INTS2: variants seen among roughly 807,000 people sequenced by gnomAD.
INTS2 encodes the protein integrator complex subunit 2.
Under a neutral mutation model 139.6 loss-of-function variants are expected in INTS2, and 57 were observed. That is an observed-to-expected ratio of 0.41 (90% CI 0.33 to 0.51). The LOEUF is 0.51. INTS2 is among the 20% of genes least tolerant of loss of function. The pLI, the probability that INTS2 is intolerant of heterozygous loss-of-function variation, is 0.28. For missense variants in INTS2, 1,196 were observed against 1,436.7 expected, an observed-to-expected ratio of 0.83 and a Z score of 2.71; for synonymous variants, 473 against 493.4, an observed-to-expected ratio of 0.96 and a Z score of 0.55.
At chr17:61,914,167 A>G (rs1443519249) in intron 5 of INTS2, among the ~76,000 whole-genome samples, 9 of 152,092 alleles carry the variant, frequency 5.9e-5, no homozygotes, top group Admixed American at 5.9e-4. Flanking sequence ...GACAGATTAA[A>G]GAGATGAAGA....
chr17:61,911,152 G>A, intron 7 of INTS2: 1 of 264,772 alleles, frequency 3.8e-6, no homozygotes. Context: ...GCTATTCACA[G>A]GCACAATTAT....
chr17:61,879,256 TG>T (rs1446172231), intron 17 of INTS2, among the ~76,000 whole-genome samples: 2 of 151,970 alleles, frequency 1.3e-5, no homozygotes, highest in African/African-American at 4.8e-5. Flanking sequence ...GAGGAAAATA[TG>T]CTGAAGTATT....
At position 61,871,374 on chromosome 17, in the gene INTS2, A is replaced by C. The variant is rs1217606331; in HGVS notation, c.2778+891T>G. Among the ~76,000 whole-genome samples, 3 of 152,110 alleles carry C rather than the reference A, an allele frequency of 2.0e-5. 1 individual carries two copies. Among genetic ancestry groups the C allele is most frequent in the Admixed American group, 2.0e-4 (3 of 15,280 alleles). ...TGAACTCAGGTGATCCACCCACCTC[A>C]GCCACCCAAAGTGCTGGGATTATAG... is the stretch of plus-strand genomic sequence containing the variant. On this transcript the variant is annotated intron_variant, in intron 20 of 24. Coordinates refer to ENST00000251334, the MANE Select transcript of INTS2 (RefSeq NM_001351695.2). This position sits in a 1 kb window ranked among gnomAD's most constrained non-coding sequence, Gnocchi z 4.9.
At position 61,876,577 on chromosome 17, in the gene INTS2, T is replaced by C. The variant is rs2079129238; in HGVS notation, c.2456+1310A>G. Among the ~76,000 whole-genome samples, 1 of 152,072 alleles carries C rather than the reference T, an allele frequency of 6.6e-6. No individual in the cohort carries two copies. The highest frequency in any genetic ancestry group is 6.6e-5 in the Admixed American group (1 of 15,260). Reference sequence around the variant, plus strand: ...CCTCAGCCCACCAAGTAGCTGGGAATACAGGCATGCATGCACCACCATGCC... The same window carrying C: ...CCTCAGCCCACCAAGTAGCTGGGAACACAGGCATGCATGCACCACCATGCC... On this transcript the variant is annotated intron_variant, in intron 18 of 24. Coordinates refer to ENST00000251334, the MANE Select transcript of INTS2 (RefSeq NM_001351695.2). The surrounding 1 kb of genome is among the most constrained non-coding windows in gnomAD (Gnocchi z 4.1).
intron 17 of INTS2, among the ~76,000 whole-genome samples, chr17:61,879,981 T>C (rs1246313491): frequency 1.3e-5 from 2 of 152,222 alleles, no homozygotes; most frequent in Admixed American, 6.5e-5. Context: ...TAGCTCACAT[T>C]ATATTTCTAT....
chr17:61,874,461 G>A (rs2079112182), intron 19 of INTS2, among the ~76,000 whole-genome samples: 1 of 152,198 alleles, frequency 6.6e-6, no homozygotes, highest in Non-Finnish European at 1.5e-5. Flanking sequence ...TGAAAGCAAT[G>A]CTGAAGTTTA....
chr17:61,872,137 A>G lies in INTS2; in HGVS notation c.2778+128T>C. Reference sequence around the variant, plus strand: ...AGGTAACATCATTGTAATAGATTCTATAATAAAAGAAATGCACAATATGTC... The same window carrying G: ...AGGTAACATCATTGTAATAGATTCTGTAATAAAAGAAATGCACAATATGTC... On this transcript the variant is annotated intron_variant, in intron 20 of 24. Coordinates refer to ENST00000251334, the MANE Select transcript of INTS2 (RefSeq NM_001351695.2). The surrounding 1 kb of genome is among the most constrained non-coding windows in gnomAD (Gnocchi z 4.8). The G allele has an allele frequency of 1.9e-6, 1 of 513,672 alleles. No homozygotes were observed. The highest frequency in any genetic ancestry group is 5.1e-5 in the South Asian group (1 of 19,504). 31.8% of individuals were successfully genotyped at this position (513,672 alleles called of 1,614,324 possible). A position where few individuals can be genotyped will look rare whatever the true frequency, so the allele number is the denominator to read the frequency against.
chr17:61,899,624 T>G (rs1039457620), intron 9 of INTS2, among the ~76,000 whole-genome samples: 2 of 151,798 alleles, frequency 1.3e-5, no homozygotes, highest in Non-Finnish European at 2.9e-5. Context: ...AAAAATACCT[T>G]ATAAGGCTGG....
intron 14 of INTS2, among the ~76,000 whole-genome samples, 153 bp downstream of exon 14, chr17:61,891,360 C>T (rs940333365): frequency 2.6e-5 from 4 of 151,960 alleles, no homozygotes; most frequent in Admixed American, 6.6e-5. Context: ...TAATACCATT[C>T]TTTTAATTTT....
Position 61,882,124 on chromosome 17 carries a change from G to A in INTS2, c.2090-953C>T, listed in dbSNP as rs2079183518. ...CACTTTGAATACCTGAAAGGTCTCAGGTACTTTATGTACGTTTTCTCATCT... is the reference window on the plus strand; with the variant it reads ...CACTTTGAATACCTGAAAGGTCTCAAGTACTTTATGTACGTTTTCTCATCT... On this transcript the variant is annotated intron_variant, in intron 16 of 24. Transcript: ENST00000251334. The surrounding 1 kb of genome is among the most constrained non-coding windows in gnomAD (Gnocchi z 4.7). 6.6e-6 allele frequency among the ~76,000 whole-genome samples: 1 copy of A among 152,136 alleles called. No individual in the cohort carries two copies. Among genetic ancestry groups the A allele is most frequent in the Admixed American group, 6.5e-5 (1 of 15,282 alleles).
intron 8 of INTS2, among the ~76,000 whole-genome samples, chr17:61,905,987 G>A (rs763281948): frequency 5.3e-5 from 8 of 152,156 alleles, no homozygotes; most frequent in Non-Finnish European, 7.3e-5. Flanking sequence ...GTGAGCCACC[G>A]CGCCTGGCCT....
intron 9 of INTS2, among the ~76,000 whole-genome samples, chr17:61,898,871 C>T (rs971812392): frequency 2.0e-5 from 3 of 152,186 alleles, no homozygotes; most frequent in South Asian, 2.1e-4. Context: ...GCCTCAGCCT[C>T]CCAAAGTGCT....
Position 61,869,868 on chromosome 17 carries a change from G to C in INTS2, c.2899C>G (p.Pro967Ala). ...TCTCCTTCCTCCATTCCCTTATTTG[G>C]AGCGCTGGTGGTAATAACACTTTGA... is the stretch of plus-strand genomic sequence containing the variant. Reference protein sequence around the residue: ...NVQSVITTSAPNKGMEEGEDN... With the variant: ...NVQSVITTSAANKGMEEGEDN... The change falls in exon 21 of 25, where the codon CCA (proline) becomes GCA (alanine). Residue 967 changes from proline (P) to alanine (A), a missense_variant. Coordinates refer to ENST00000251334, the MANE Select transcript of INTS2 (RefSeq NM_001351695.2). The surrounding 1 kb of genome is among the most constrained non-coding windows in gnomAD (Gnocchi z 5.4). 2 of 1,613,846 alleles carry C rather than the reference G, an allele frequency of 1.2e-6. No homozygotes were observed. Among genetic ancestry groups the C allele is most frequent in the Non-Finnish European group, 1.7e-6 (2 of 1,179,810 alleles).
chr17:61,927,833 G>C lies in INTS2; in HGVS notation c.-198C>G, dbSNP rs2079733840. The C allele has an allele frequency of 2.5e-6, 4 of 1,613,164 alleles. No homozygotes were observed. In the Admixed American group the frequency reaches 5.0e-5, roughly 20 times the overall value. ...AGAACTCAGACGCCGGGACCAACCG[G>C]GTTGTCGATACAAAGTGGGAAGGAT... On this transcript the variant is annotated 5_prime_UTR_variant, in exon 1 of 25. Transcript: ENST00000251334.
At chr17:61,887,380 G>A (rs1437887574) in intron 15 of INTS2, among the ~76,000 whole-genome samples, 1 of 151,620 alleles carries the variant, frequency 6.6e-6, no homozygotes, top group African/African-American at 2.4e-5. Flanking sequence ...CTACTCAGGA[G>A]TCCGAGGCAG....
chr17:61,891,290 C>A (rs1436493809), intron 14 of INTS2, among the ~76,000 whole-genome samples: 2 of 151,514 alleles, frequency 1.3e-5, no homozygotes, highest in Non-Finnish European at 2.9e-5. Context: ...CCAGCCTAGG[C>A]AACAAGAGTA....
chr17:61,903,026 G>A (rs1263505035), intron 9 of INTS2, among the ~76,000 whole-genome samples: 5 of 151,122 alleles, frequency 3.3e-5, no homozygotes, highest in East Asian at 2.0e-4. Flanking sequence ...TTAGCCGGGC[G>A]TGGTGGCAGG....
In INTS2 at chr17:61,904,058, C is replaced by T. The variant is rs2079435727; in HGVS notation, c.1307+402G>A. ...GGACTGCTATTTGCCTTAACAAATC[C>T]TGAAGAACTATTTCGACTTATTTAA... On this transcript the variant is annotated intron_variant, in intron 9 of 24. Transcript: ENST00000251334. Among the ~76,000 whole-genome samples the T allele has an allele frequency of 2.0e-5, 3 of 152,072 alleles. 1 individual carries two copies. The South Asian group carries it at 6.2e-4, about 32-fold the overall frequency.
At position 61,920,580 on chromosome 17, in the gene INTS2, C is replaced by A. The variant is rs181380858; in HGVS notation, c.536-1067G>T. 2.2e-3 allele frequency among the ~76,000 whole-genome samples: 325 copies of A among 147,278 alleles called. 1 individual carries two copies. The highest frequency in any genetic ancestry group is 7.5e-3 in the African/African-American group (301 of 40,062). ...CAGCATTTTGGGAAGCTGAGGCAGG[C>A]AGATCACAAGGTTAAGAATTCGAGA... is the stretch of plus-strand genomic sequence containing the variant. On this transcript the variant is annotated intron_variant, in intron 4 of 24. Coordinates refer to ENST00000251334, the MANE Select transcript of INTS2 (RefSeq NM_001351695.2).
Sources: gnomAD v4.1 joint callset for allele counts (sites outside exome capture counted in the v4.1 genomes callset) on GRCh38, gnomAD v4.1.1 for gene constraint, Gnocchi (gnomAD v3.1) non-coding constraint, MANE v1.5 for transcripts, NCBI Gene and HGNC (gene_info 2026-07-23, HGNC 2026-07-21) for gene names.